ABCA1: variants seen among roughly 807,000 people sequenced by gnomAD.
ABCA1 encodes phospholipid-transporting ATPase ABCA1.
A neutral mutation model predicts 262.5 loss-of-function variants in ABCA1; 133 were observed. The ratio of observed to expected loss-of-function variants is 0.51; its 90% CI spans 0.44 to 0.59. ABCA1 has a LOEUF of 0.59. Ranked by LOEUF, ABCA1 falls within the 20% of genes least tolerant of loss-of-function variation. ABCA1 has a pLI of 0.00. For missense variants in ABCA1, 2,452 were observed against 2,777.5 expected (o/e 0.88, Z 2.63); for synonymous variants, 1,022 against 1,043.5 (o/e 0.98, Z 0.40).
chr9:104,821,512 G>C lies in ABCA1; in HGVS notation c.2829-6C>G. The stretch of plus-strand genomic sequence containing the variant: ...ACAACCCGGTCAGGATTGACCTGAG[G>C]ACAAAAATTTAGAAGTACAGAAGTC... On this transcript the variant is annotated splice_region_variant and splice_polypyrimidine_tract_variant and intron_variant, in intron 19 of 49. Transcript: ENST00000374736. 1 of 1,613,760 alleles carries C rather than the reference G, an allele frequency of 6.2e-7. No individual in the cohort carries two copies. Among genetic ancestry groups the C allele is most frequent in the Middle Eastern group, 1.7e-4 (1 of 5,790 alleles).
intron 5 of ABCA1, among the ~76,000 whole-genome samples, chr9:104,862,701 GCCCCCACCCCCACCCCCACCCCCACCCCC>G (rs1836721600): frequency 5.5e-4 from 1 of 1,816 alleles, no homozygotes; most frequent in Non-Finnish European, 1.1e-3. Context: ...GGCCGGGCCG[GCCCCCACCCCCACCCCCACCCCCACCCCC>G]ACCCCCACCC....
Position 104,863,057 on chromosome 9 carries a change from T to C in ABCA1, c.422-1257A>G, listed in dbSNP as rs144842697. 5.8e-3 allele frequency among the ~76,000 whole-genome samples: 878 copies of C among 152,116 alleles called. 11 individuals are homozygous for C. Among genetic ancestry groups the C allele is most frequent in the African/African-American group, 0.019 (794 of 41,488 alleles). On this transcript the variant is annotated intron_variant, in intron 5 of 49. Transcript: ENST00000374736. ...GAATCTCCCTAAATAATAGGCCCTCTGAGTACAGTTAGAAAAGGCTTCAAT... is the reference window on the plus strand; with the variant it reads ...GAATCTCCCTAAATAATAGGCCCTCCGAGTACAGTTAGAAAAGGCTTCAAT...
intron 7 of ABCA1, 145 bp downstream of exon 7, chr9:104,858,377 C>T (rs1269723061): frequency 4.4e-6 from 4 of 906,782 alleles, no homozygotes; most frequent in African/African-American, 3.3e-5. Context: ...ACTAAGAACA[C>T]TTAGAATACC....
Position 104,802,184 on chromosome 9 carries a change from AC to A in ABCA1, c.4593-26del, listed in dbSNP as rs771121248. The A allele has an allele frequency of 1.3e-5, 21 of 1,599,576 alleles. 1 individual carries two copies. In the South Asian group the frequency reaches 2.2e-4, roughly 17 times the overall value. On this transcript the variant is annotated intron_variant, in intron 33 of 49. Transcript: ENST00000374736. ...CCTAAAAGAACAGCCTGACATTAAA[AC>A]CCAGACAGTGGGGTGCACAGTATCA... is the stretch of plus-strand genomic sequence containing the variant.
chr9:104,845,332 T>G, intron 8 of ABCA1, 145 bp downstream of exon 8: 1 of 689,964 alleles, frequency 1.4e-6, no homozygotes, highest in Non-Finnish European at 2.6e-6. Flanking sequence ...AATCAAAACA[T>G]TATTGTTTAC....
At chr9:104,818,340 A>G (rs1831962227) in intron 23 of ABCA1, among the ~76,000 whole-genome samples, 1 of 152,196 alleles carries the variant, frequency 6.6e-6, no homozygotes, top group South Asian at 2.1e-4. Flanking sequence ...ATGAGCAGGA[A>G]CACCAGGTCA....
At chr9:104,884,911 A>AT (rs945737905) in intron 3 of ABCA1, among the ~76,000 whole-genome samples, 2 of 152,088 alleles carry the variant, frequency 1.3e-5, no homozygotes, top group Non-Finnish European at 2.9e-5. Flanking sequence ...CCCTAAGCCT[A>AT]TTTTTTCATA....
chr9:104,887,787 C>T lies in ABCA1; in HGVS notation c.160+1315G>A, dbSNP rs550987384. On this transcript the variant is annotated intron_variant, in intron 3 of 49. Transcript: ENST00000374736. ...TGTTGCCCAGGCTGGAGTGCAATGG[C>T]GCAATCTCGGCTCACTGCAACCTCA... is the stretch of plus-strand genomic sequence containing the variant. Among the ~76,000 whole-genome samples, 11 of 133,526 alleles carry T rather than the reference C, an allele frequency of 8.2e-5. 1 individual carries two copies. The highest frequency in any genetic ancestry group is 2.9e-4 in the African/African-American group (10 of 34,112). The allele number at this position is 133,526 out of a possible 152,430, so 87.6% of individuals were successfully genotyped here.
intron 9 of ABCA1, 130 bp from the exon 10 acceptor site, chr9:104,837,697 A>G (rs936183011): frequency 4.5e-6 from 5 of 1,107,990 alleles, no homozygotes; most frequent in Non-Finnish European, 6.6e-6. Context: ...ATAATAAGTA[A>G]CTTATCTGAG....
chr9:104,808,829 C>A (rs966305712), intron 30 of ABCA1, among the ~76,000 whole-genome samples: 5 of 152,182 alleles, frequency 3.3e-5, no homozygotes, highest in Non-Finnish European at 7.3e-5. Flanking sequence ...ACTAACCCAC[C>A]TCTACCAGCC....
chr9:104,891,575 C>T (rs1318951650), intron 2 of ABCA1, among the ~76,000 whole-genome samples: 2 of 151,852 alleles, frequency 1.3e-5, no homozygotes, highest in Non-Finnish European at 2.9e-5. Context: ...TTGCAGTGAG[C>T]CGAGATCACT....
At chr9:104,882,498 A>C (rs1363263930) in intron 5 of ABCA1, among the ~76,000 whole-genome samples, 1 of 152,202 alleles carries the variant, frequency 6.6e-6, no homozygotes, top group African/African-American at 2.4e-5. Context: ...GCACACAAGA[A>C]ATTGCCTGGA....
chr9:104,819,884 A>G, intron 21 of ABCA1, 43 bp downstream of exon 21: 1 of 1,609,532 alleles, frequency 6.2e-7, no homozygotes, highest in Non-Finnish European at 8.5e-7. Flanking sequence ...GTGTAGCCGG[A>G]GGAGGAGGGG....
intron 5 of ABCA1, among the ~76,000 whole-genome samples, chr9:104,880,433 G>A (rs182541535): frequency 5.7e-4 from 87 of 151,734 alleles, no homozygotes; most frequent in African/African-American, 1.7e-3. Flanking sequence ...CCAGGAATTC[G>A]AGGCTGCAGT....
intron 2 of ABCA1, among the ~76,000 whole-genome samples, chr9:104,893,529 G>C (rs1254597621): frequency 6.6e-6 from 1 of 150,528 alleles, no homozygotes; most frequent in African/African-American, 2.5e-5. Context: ...ATAGCCATCA[G>C]CCTTGAAGCT....
Position 104,913,391 on chromosome 9 carries a change from T to C in ABCA1, c.-92-9620A>G, listed in dbSNP as rs12344527. Among the ~76,000 whole-genome samples the C allele has an allele frequency of 1.3e-3, 204 of 152,314 alleles. 1 individual carries two copies. Among genetic ancestry groups the C allele is most frequent in the African/African-American group, 4.8e-3 (199 of 41,574 alleles). ...GAGCCCCTGTATCTTCTCCAAAAAATAGAACTGATAATGTATGTAAAACAT... is the reference window on the plus strand; with the variant it reads ...GAGCCCCTGTATCTTCTCCAAAAAACAGAACTGATAATGTATGTAAAACAT... On this transcript the variant is annotated intron_variant, in intron 1 of 49. Transcript: ENST00000374736.
intron 2 of ABCA1, among the ~76,000 whole-genome samples, chr9:104,893,436 A>G (rs1375051743): frequency 8.5e-6 from 1 of 118,312 alleles, no homozygotes; most frequent in Admixed American, 8.1e-5. Context: ...AAAAAAAAAA[A>G]AAAAAAAAAA....
At chr9:104,918,611 T>C (rs914753414) in intron 1 of ABCA1, among the ~76,000 whole-genome samples, 2 of 152,230 alleles carry the variant, frequency 1.3e-5, no homozygotes, top group East Asian at 1.9e-4. Context: ...CAAATATAAA[T>C]ATGTATTGTT....
chr9:104,815,823 C>T (rs1346293759), intron 25 of ABCA1, among the ~76,000 whole-genome samples: 2 of 152,154 alleles, frequency 1.3e-5, no homozygotes, highest in African/African-American at 4.8e-5. Context: ...CTGTTCCTCA[C>T]ACTGTACTTA....
Sources: gnomAD v4.1 joint callset for allele counts (sites outside exome capture counted in the v4.1 genomes callset) on GRCh38, gnomAD v4.1.1 for gene constraint, MANE v1.5 for transcripts, NCBI Gene and HGNC (gene_info 2026-07-23, HGNC 2026-07-21) for gene names.